Variants in SMYD3 observed in about 807,000 individuals in gnomAD.
SMYD3 encodes SET and MYND domain containing 3, also known as histone-lysine N-methyltransferase SMYD3.
SMYD3 carries 36 observed loss-of-function variants against 57.7 expected under a neutral mutation model. That is an observed-to-expected ratio of 0.62 (90% confidence interval 0.48 to 0.82). SMYD3 has a LOEUF of 0.82. SMYD3 is among the 40% of genes least tolerant of loss of function. SMYD3 has a pLI of 0.00. For synonymous variants in SMYD3, 211 were observed against 195.0 expected (o/e 1.08, Z -0.68); for missense variants, 515 against 538.8 (o/e 0.96, Z 0.44).
chr1:245,806,695 G>T lies in SMYD3; in HGVS notation c.1077-42546C>A, dbSNP rs554720229. Among the ~76,000 whole-genome samples, 6 of 151,938 alleles carry T rather than the reference G, an allele frequency of 3.9e-5. No individual in the cohort carries two copies. In the East Asian group the frequency reaches 1.2e-3, roughly 29 times the overall value. ...GGAGGCCGAGGCGGGTGGATCATGA[G>T]GTCAGGAGATGGAGACCATCCTGGC... On this transcript the variant is annotated intron_variant, in intron 10 of 11. Transcript: ENST00000490107.
intron 10 of SMYD3, among the ~76,000 whole-genome samples, chr1:245,843,320 G>A (rs4654134): frequency 0.64 from 97,064 of 151,886 alleles, 33,594 homozygotes; most frequent in Middle Eastern, 0.81. Context: ...CAGAGAATAC[G>A]CCAGGTTTAA....
chr1:246,129,725 G>A (rs969227170), intron 5 of SMYD3, among the ~76,000 whole-genome samples: 19 of 151,416 alleles, frequency 1.3e-4, no homozygotes, highest in African/African-American at 3.7e-4. Flanking sequence ...GTCTGTTCAC[G>A]TAACATGAAT....
At chr1:245,773,142 A>T (rs1400560554) in intron 10 of SMYD3, among the ~76,000 whole-genome samples, 2 of 151,326 alleles carry the variant, frequency 1.3e-5, no homozygotes, top group Admixed American at 1.3e-4. Context: ...CATTTTCCAC[A>T]GCCAAAAACA....
rs528981627 is a variant in SMYD3, at chr1:246,062,400, C to T, written c.532-132463G>A. 2.0e-5 allele frequency among the ~76,000 whole-genome samples: 3 copies of T among 152,286 alleles called. No individual in the cohort carries two copies. In the East Asian group the frequency reaches 5.8e-4, roughly 29 times the overall value. Reference sequence around the variant, plus strand: ...CACCTCTCCACAGTGACTGCAATTACAGAACTCCTAAATCACTGAAAACAC... The same window carrying T: ...CACCTCTCCACAGTGACTGCAATTATAGAACTCCTAAATCACTGAAAACAC... On this transcript the variant is annotated intron_variant, in intron 5 of 11. Transcript: ENST00000490107.
At chr1:246,411,351 G>A (rs1054298796) in intron 1 of SMYD3, among the ~76,000 whole-genome samples, 31 of 152,320 alleles carry the variant, frequency 2.0e-4, no homozygotes, top group African/African-American at 6.0e-4. Context: ...ATGTGGAGAA[G>A]TAGGAACACT....
chr1:245,904,453 T>C (rs1158871090), intron 8 of SMYD3, among the ~76,000 whole-genome samples: 2 of 152,124 alleles, frequency 1.3e-5, no homozygotes, highest in East Asian at 1.9e-4. Context: ...AATACAGCAA[T>C]TGTGAGGCAC....
At chr1:246,444,194 T>C (rs912395346) in intron 1 of SMYD3, among the ~76,000 whole-genome samples, 7 of 151,098 alleles carry the variant, frequency 4.6e-5, no homozygotes, top group African/African-American at 1.2e-4. Context: ...GTGCTTGATC[T>C]CCGCTCACTG....
At chr1:246,360,355 A>G (rs1034729918) in intron 1 of SMYD3, among the ~76,000 whole-genome samples, 1 of 152,204 alleles carries the variant, frequency 6.6e-6, no homozygotes, top group Non-Finnish European at 1.5e-5. Flanking sequence ...GGTAGAATCA[A>G]TATTGTGAAA....
intron 8 of SMYD3, among the ~76,000 whole-genome samples, chr1:245,895,483 C>T (rs1039340309): frequency 6.6e-6 from 1 of 151,312 alleles, no homozygotes; most frequent in African/African-American, 2.4e-5. Flanking sequence ...TACAATTTAT[C>T]TAGCAAAATA....
At chr1:246,053,788 G>GAA (rs61185279) in intron 5 of SMYD3, among the ~76,000 whole-genome samples, 1 of 140,086 alleles carries the variant, frequency 7.1e-6, no homozygotes, top group Non-Finnish European at 1.6e-5. Flanking sequence ...GATCTCTATG[G>GAA]AAAAAAAAAA....
intron 5 of SMYD3, among the ~76,000 whole-genome samples, chr1:245,958,882 T>G (rs2057924731): frequency 6.6e-6 from 1 of 152,134 alleles, no homozygotes; most frequent in South Asian, 2.1e-4. Context: ...ATAATAACTT[T>G]CAGGAGCATT....
In SMYD3 at chr1:246,371,004, T is replaced by C. The variant is rs75093160; in HGVS notation, c.165-15910A>G. Among the ~76,000 whole-genome samples, 2,643 of 152,348 alleles carry C rather than the reference T, an allele frequency of 0.017. 228 individuals are homozygous for C. In the East Asian group the frequency reaches 0.24, roughly 14 times the overall value. Reference sequence around the variant, plus strand: ...AAGTTGTAAAAATGCTTTTTGAAGGTTGCATTTGTAGAAATGAAATTTGAA... The same window carrying C: ...AAGTTGTAAAAATGCTTTTTGAAGGCTGCATTTGTAGAAATGAAATTTGAA... On this transcript the variant is annotated intron_variant, in intron 1 of 11. Coordinates refer to ENST00000490107, the MANE Select transcript of SMYD3 (RefSeq NM_001167740.2).
chr1:245,924,655 C>CTTTTT (rs150323644), intron 7 of SMYD3, among the ~76,000 whole-genome samples: 1 of 94,706 alleles, frequency 1.1e-5, no homozygotes, highest in African/African-American at 3.8e-5. Flanking sequence ...TCTATTCCAG[C>CTTTTT]TTTTTTTTTT....
chr1:246,352,159 A>AAAC (rs1242110590), intron 2 of SMYD3, among the ~76,000 whole-genome samples: 49 of 137,940 alleles, frequency 3.6e-4, no homozygotes, highest in African/African-American at 1.1e-3. Context: ...AAAAAAAAAA[A>AAAC]AAAACATAAA....
At chr1:246,490,174 A>G (rs2068248175) in intron 1 of SMYD3, among the ~76,000 whole-genome samples, 1 of 152,016 alleles carries the variant, frequency 6.6e-6, no homozygotes. Flanking sequence ...ATAACCACCT[A>G]TAAACATTCG....
chr1:245,888,548 C>T (rs1432772680), intron 8 of SMYD3, among the ~76,000 whole-genome samples: 3 of 152,178 alleles, frequency 2.0e-5, no homozygotes, highest in East Asian at 1.9e-4. Flanking sequence ...GATTGTCCAG[C>T]GTCACTCTAT....
chr1:246,344,679 A>G (rs1466491224), intron 2 of SMYD3, among the ~76,000 whole-genome samples: 1 of 152,218 alleles, frequency 6.6e-6, no homozygotes, highest in East Asian at 1.9e-4. Flanking sequence ...ATAACGCTTT[A>G]CTTTCTCACC....
intron 5 of SMYD3, among the ~76,000 whole-genome samples, chr1:245,992,343 T>C (rs1439334020): frequency 1.3e-5 from 2 of 152,226 alleles, no homozygotes; most frequent in African/African-American, 4.8e-5. Flanking sequence ...ACACCAACTG[T>C]GATGCAGTGT....
At chr1:246,279,155 C>T (rs537584624) in intron 5 of SMYD3, among the ~76,000 whole-genome samples, 3 of 152,202 alleles carry the variant, frequency 2.0e-5, no homozygotes, top group African/African-American at 7.2e-5. Context: ...GAGACACACA[C>T]CCCTTGGCTC....
Sources: allele counts gnomAD v4.1 joint callset (sites outside exome capture counted in the v4.1 genomes callset), GRCh38; gene constraint gnomAD v4.1.1; transcripts MANE v1.5; gene names NCBI Gene and HGNC (gene_info 2026-07-23, HGNC 2026-07-21).